The following OR7E24 variants were observed in gnomAD, a reference collection of about 807,000 sequenced individuals.
OR7E24 encodes the protein olfactory receptor 7E24.
For synonymous variants in OR7E24, 130 were observed against 157.5 expected, an observed-to-expected ratio of 0.83 and a Z score of 1.31; for missense variants, 385 against 410.3, an observed-to-expected ratio of 0.94 and a Z score of 0.53.
the OR7E24 span, among the ~76,000 whole-genome samples, chr19:9,230,865 ACTGC>A: frequency 6.6e-6 from 1 of 152,096 alleles, no homozygotes; most frequent in African/African-American, 2.4e-5. Context: ...TGCTGAGTAG[ACTGC>A]CTTGGCCTAT....
chr19:9,246,976 A>G (rs770215142), upstream of OR7E24, among the ~76,000 whole-genome samples: 14 of 152,230 alleles, frequency 9.2e-5, no homozygotes, highest in Non-Finnish European at 1.8e-4. Context: ...ACTGAGCTAT[A>G]TACTTTAAAA....
upstream of OR7E24, among the ~76,000 whole-genome samples, chr19:9,244,716 C>T (rs985110018): frequency 4.7e-4 from 71 of 152,242 alleles, no homozygotes; most frequent in African/African-American, 1.6e-3. Context: ...GCACAGACAA[C>T]AATATATAGA....
At chr19:9,241,720 C>T in the OR7E24 span, among the ~76,000 whole-genome samples, 2 of 152,090 alleles carry the variant, frequency 1.3e-5, no homozygotes, top group Non-Finnish European at 2.9e-5. Flanking sequence ...GCTGAGATTG[C>T]GCCATTGCAT....
chr19:9,222,298 G>A, the OR7E24 span, among the ~76,000 whole-genome samples: 2 of 152,152 alleles, frequency 1.3e-5, no homozygotes, highest in African/African-American at 4.8e-5. Context: ...TTAGCTATTT[G>A]GTGTCTTTAG....
chr19:9,241,766 AAAC>A, the OR7E24 span, among the ~76,000 whole-genome samples: 9 of 152,202 alleles, frequency 5.9e-5, no homozygotes, highest in Non-Finnish European at 1.0e-4. Flanking sequence ...TTTGTCTCAA[AAAC>A]AACAACTACA....
the OR7E24 span, chr19:9,213,981 T>C: frequency 1.2e-6 from 2 of 1,613,754 alleles, no homozygotes; most frequent in Non-Finnish European, 1.7e-6. Flanking sequence ...GATGAAGGGG[T>C]TCAGCATGGG....
At chr19:9,221,288 T>C in the OR7E24 span, among the ~76,000 whole-genome samples, 56 of 147,654 alleles carry the variant, frequency 3.8e-4, 1 homozygote, top group African/African-American at 1.4e-3. Flanking sequence ...AAAAAATGTA[T>C]GTTGTCCATC....
At chr19:9,224,778 AAGAG>A in the OR7E24 span, among the ~76,000 whole-genome samples, 4 of 151,842 alleles carry the variant, frequency 2.6e-5, no homozygotes, top group African/African-American at 9.7e-5. Context: ...AAAAAAAAAA[AAGAG>A]AGAGAGATTC....
chr19:9,243,515 C>T (rs1361256729), upstream of OR7E24, among the ~76,000 whole-genome samples: 1 of 152,060 alleles, frequency 6.6e-6, no homozygotes, highest in Admixed American at 6.6e-5. Context: ...CTATGTGACT[C>T]AGGCTTGTCT....
chr19:9,237,468 G>A, the OR7E24 span, among the ~76,000 whole-genome samples: 8 of 151,430 alleles, frequency 5.3e-5, no homozygotes, highest in African/African-American at 1.5e-4. Flanking sequence ...CCCCCACCAC[G>A]CCTGGGTAAT....
chr19:9,242,278 T>A, the OR7E24 span, among the ~76,000 whole-genome samples: 1 of 152,134 alleles, frequency 6.6e-6, no homozygotes, highest in Non-Finnish European at 1.5e-5. Flanking sequence ...GAGACACAGT[T>A]TCACTCTGTC....
chr19:9,224,170 G>T, the OR7E24 span, among the ~76,000 whole-genome samples: 3 of 151,846 alleles, frequency 2.0e-5, no homozygotes, highest in South Asian at 2.1e-4. Context: ...CTTTCTACAC[G>T]TGCAGCTTTC....
the OR7E24 span, chr19:9,213,971 G>C: frequency 6.2e-7 from 1 of 1,614,198 alleles, no homozygotes; most frequent in Non-Finnish European, 8.5e-7. Flanking sequence ...TCAGGCTGTA[G>C]ATGAAGGGGT....
At chr19:9,248,592 G>A (rs1026885270), upstream of OR7E24, among the ~76,000 whole-genome samples, 4 of 152,100 alleles carry the variant, frequency 2.6e-5, no homozygotes, top group South Asian at 2.1e-4. Context: ...TGGGTGCCAC[G>A]TTCACTGTGT....
At chr19:9,241,556 C>T in the OR7E24 span, among the ~76,000 whole-genome samples, 1 of 152,016 alleles carries the variant, frequency 6.6e-6, no homozygotes, top group Non-Finnish European at 1.5e-5. Context: ...CTTGAGGTCA[C>T]GAGTTCAAGA....
At chr19:9,214,554 A>T in the OR7E24 span, 2 of 1,614,164 alleles carry the variant, frequency 1.2e-6, no homozygotes, top group Non-Finnish European at 1.7e-6. Flanking sequence ...GAGGCACCCC[A>T]TGTAGGAGAT....
the OR7E24 span, among the ~76,000 whole-genome samples, chr19:9,227,237 CTT>C: frequency 5.2e-4 from 76 of 145,350 alleles, no homozygotes; most frequent in Middle Eastern, 3.5e-3. Flanking sequence ...CATTCTTTCT[CTT>C]TTTTTTTTTT....
the OR7E24 span, chr19:9,214,465 C>T: frequency 2.5e-6 from 4 of 1,613,972 alleles, no homozygotes; most frequent in East Asian, 6.7e-5. Context: ...TGGCAGATGG[C>T]CACAAACCGG....
chr19:9,217,525 A>G, the OR7E24 span, among the ~76,000 whole-genome samples: 1 of 152,020 alleles, frequency 6.6e-6, no homozygotes, highest in South Asian at 2.1e-4. Flanking sequence ...GAGAGGAAGA[A>G]TGGATCATTG....
Sources: gnomAD v4.1 joint callset for allele counts (sites outside exome capture counted in the v4.1 genomes callset) on GRCh38, gnomAD v4.1.1 for gene constraint, MANE v1.5 for transcripts, NCBI Gene and HGNC (gene_info 2026-07-23, HGNC 2026-07-21) for gene names.